DUT: variants seen among roughly 807,000 people sequenced by gnomAD.
DUT encodes deoxyuridine 5'-triphosphate nucleotidohydrolase, mitochondrial.
Under a neutral mutation model 28.8 loss-of-function variants are expected in DUT, and 21 were observed. The ratio of observed to expected loss-of-function variants is 0.73; its 90% CI spans 0.52 to 1.05. The LOEUF (loss-of-function observed/expected upper bound fraction) is 1.05, where lower values mean the gene tolerates loss of function less well. Ranked by LOEUF, DUT falls within the 50% of genes least tolerant of loss-of-function variation. The pLI is 0.00. For missense variants in DUT, 344 were observed against 351.8 expected (o/e 0.98, Z 0.18); for synonymous variants, 147 against 143.7 (o/e 1.02, Z -0.17).
chr15:48,331,427 A>C, upstream of DUT: 2 of 1,561,342 alleles, frequency 1.3e-6, no homozygotes, highest in South Asian at 2.4e-5. Flanking sequence ...TTCCGAGGTC[A>C]TGTTCCCAGG....
At chr15:48,331,109 C>A, upstream of DUT, 1 of 1,255,920 alleles carries the variant, frequency 8.0e-7, no homozygotes. Flanking sequence ...TAACTGTCAC[C>A]GGCGCCGAGA....
intron 2 of DUT, among the ~76,000 whole-genome samples, chr15:48,333,642 A>G (rs1005606588): frequency 3.3e-5 from 5 of 152,212 alleles, no homozygotes; most frequent in African/African-American, 1.2e-4. Context: ...ATTTCTACCC[A>G]GGAGAGGGCC....
intron 2 of DUT, chr15:48,332,650 G>A: frequency 1.5e-6 from 1 of 678,236 alleles, no homozygotes; most frequent in Non-Finnish European, 2.7e-6. Flanking sequence ...CGTTTATTGT[G>A]CCCTTCCTAA....
At chr15:48,338,378 C>A (rs752235037) in intron 4 of DUT, among the ~76,000 whole-genome samples, 1 of 152,082 alleles carries the variant, frequency 6.6e-6, no homozygotes. Flanking sequence ...TTTACAGATA[C>A]GTTAGCAGAG....
At position 48,342,169 on chromosome 15, in the gene DUT, C is replaced by T; in HGVS notation, c.*91C>T. ...GCTTCAAGTGTTTTGGTGTTTTGCA[C>T]TTCTGTAAACTTACTAGCTTTACCT... On this transcript the variant is annotated 3_prime_UTR_variant, in exon 7 of 7. Transcript: ENST00000331200. The T allele has an allele frequency of 5.0e-6, 4 of 807,478 alleles. No homozygotes were observed. Among genetic ancestry groups the T allele is most frequent in the South Asian group, 3.0e-5 (1 of 33,124 alleles). 50.0% of individuals were successfully genotyped at this position (807,478 alleles called of 1,614,324 possible).
At chr15:48,341,863 G>T in intron 6 of DUT, 159 bp from the exon 7 acceptor site, 3 of 620,556 alleles carry the variant, frequency 4.8e-6, no homozygotes, top group Non-Finnish European at 8.2e-6. Flanking sequence ...CTAATTTATG[G>T]AGCTTTTTAG....
chr15:48,331,907 G>A (rs1382173382), intron 1 of DUT, 112 bp downstream of exon 1: 8 of 564,856 alleles, frequency 1.4e-5, no homozygotes, highest in African/African-American at 2.1e-5. Context: ...GGCGGGGGGG[G>A]TGGGGTGGTC....
At chr15:48,341,982 TAAAAA>T in intron 6 of DUT, 35 bp from the exon 7 acceptor site, 1 of 1,511,614 alleles carries the variant, frequency 6.6e-7, no homozygotes, top group Middle Eastern at 1.8e-4. Context: ...AAGAGGCTCT[TAAAAA>T]AAACTGTGAA....
intron 3 of DUT, among the ~76,000 whole-genome samples, chr15:48,335,600 T>C (rs768560366): frequency 6.6e-6 from 1 of 152,176 alleles, no homozygotes; most frequent in East Asian, 1.9e-4. Flanking sequence ...CCCATCTGCA[T>C]TGTACATGTT....
intron 4 of DUT, among the ~76,000 whole-genome samples, chr15:48,336,346 C>A (rs927164826): frequency 6.6e-6 from 1 of 152,014 alleles, no homozygotes; most frequent in African/African-American, 2.4e-5. Context: ...ATTATTTAAG[C>A]AACAAAAGTT....
Position 48,331,642 on chromosome 15 carries a change from C to A in DUT, c.127C>A (p.Pro43Thr). The A allele has an allele frequency of 6.5e-7, 1 of 1,541,672 alleles. No homozygotes were observed. Among genetic ancestry groups the A allele is most frequent in the East Asian group, 2.5e-5 (1 of 40,200 alleles). ...AGCCGCGGTACTCTCCGGGCCAGGC[C>A]CGCCCCTCGGCCGCGCCGCGCAGCA... Reference protein sequence around the residue: ...AEAAVLSGPGPPLGRAAQHGI... With the variant: ...AEAAVLSGPGTPLGRAAQHGI... The change falls in exon 1 of 7, where the codon CCG becomes ACG. Residue 43 changes from proline to threonine, a missense_variant. By Grantham distance (38) the Pro-to-Thr change is conservative (BLOSUM62 -1). Coordinates refer to ENST00000331200, the MANE Select transcript of DUT (RefSeq NM_001025248.2).
Position 48,341,521 on chromosome 15 carries a change from AAG to A in DUT, c.639_640del (p.Gly214Ter). 5 of 1,613,124 alleles carry A rather than the reference AAG, an allele frequency of 3.1e-6. No homozygotes were observed. Among genetic ancestry groups the A allele is most frequent in the Non-Finnish European group, 4.2e-6 (5 of 1,179,478 alleles). On this transcript the variant is annotated frameshift_variant, in exon 6 of 7. Coordinates refer to ENST00000331200, the MANE Select transcript of DUT (RefSeq NM_001025248.2). LOFTEE classifies it high-confidence loss of function. Reference sequence around the variant, plus strand: ...AACTATTCTTTCTTTGAAGTCAAAAAAGGTGATCGAATTGCACAGCTCATTTG... The same window carrying A: ...AACTATTCTTTCTTTGAAGTCAAAAAGTGATCGAATTGCACAGCTCATTTG...
At position 48,331,771 on chromosome 15, in the gene DUT, G is replaced by T. The variant is rs769562630; in HGVS notation, c.256G>T (p.Gly86Trp). Residue 86 changes from glycine to tryptophan, a missense_variant, in exon 1 of 7, where the codon GGG becomes TGG. Coordinates refer to ENST00000331200, the MANE Select transcript of DUT (RefSeq NM_001025248.2). ...AGWKGELPKA[G>W]GSPAPGPETP... The stretch of plus-strand genomic sequence containing the variant: ...CTGGAAGGGCGAGCTTCCTAAGGCG[G>T]GGGGAAGCCCGGCGCCGGGGCCGGG... The T allele has an allele frequency of 3.6e-6, 5 of 1,390,622 alleles. No individual in the cohort carries two copies. The East Asian group carries it at 8.9e-5, about 25-fold the overall frequency. The allele number at this position is 1,390,622 out of a possible 1,614,324, so 86.1% of individuals were successfully genotyped here. A position where few individuals can be genotyped will look rare whatever the true frequency, so the allele number is the denominator to read the frequency against.
chr15:48,331,182 G>A, upstream of DUT: 1 of 1,518,774 alleles, frequency 6.6e-7, no homozygotes, highest in South Asian at 1.2e-5. Flanking sequence ...TGCGGGCGGT[G>A]CCGCCCCAGG....
At chr15:48,331,121 GC>G, upstream of DUT, 1 of 1,281,394 alleles carries the variant, frequency 7.8e-7, no homozygotes, top group South Asian at 2.0e-5. Context: ...GCGCCGAGAT[GC>G]GGTTCCGGCG....
chr15:48,331,788 GGGGCC>G lies in DUT; in HGVS notation c.277_280+1del. Reference sequence around the variant, plus strand: ...CTAAGGCGGGGGGAAGCCCGGCGCCGGGGCCGGGTAGGAAAGGCGGGGGAGGGGCT... The same window carrying G: ...CTAAGGCGGGGGGAAGCCCGGCGCCGGGGTAGGAAAGGCGGGGGAGGGGCT... On this transcript the variant is annotated frameshift_variant and splice_region_variant, in exon 1 of 7. Transcript: ENST00000331200. LOFTEE classifies it high-confidence loss of function. 1.5e-6 allele frequency: 2 copies of G among 1,373,772 alleles called. No homozygotes were observed. The highest frequency in any genetic ancestry group is 1.9e-6 in the Non-Finnish European group (2 of 1,069,480). 85.1% of individuals were successfully genotyped at this position (1,373,772 alleles called of 1,614,324 possible). A position where few individuals can be genotyped will look rare whatever the true frequency, so the allele number is the denominator to read the frequency against.
Position 48,331,595 on chromosome 15 carries a change from G to C in DUT, c.80G>C (p.Arg27Pro), listed in dbSNP as rs1210602567. The C allele has an allele frequency of 1.6e-5, 25 of 1,576,428 alleles. No individual in the cohort carries two copies. Among genetic ancestry groups the C allele is most frequent in the Non-Finnish European group, 2.1e-5 (24 of 1,163,200 alleles). ...CTTCGCTCAGCGATGCAAAACGCGCGAGGCGCACGGCAGAGGGCCGAAGCC... is the reference window on the plus strand; with the variant it reads ...CTTCGCTCAGCGATGCAAAACGCGCCAGGCGCACGGCAGAGGGCCGAAGCC... ...SLLRSAMQNA[R>P]GARQRAEAAV... The change falls in exon 1 of 7, where the codon CGA becomes CCA. Residue 27 changes from arginine to proline, a missense_variant. Transcript: ENST00000331200.
At chr15:48,336,231 T>C (rs1233774830) in intron 4 of DUT, 141 bp downstream of exon 4, 1 of 634,628 alleles carries the variant, frequency 1.6e-6, no homozygotes, top group Non-Finnish European at 2.5e-6. Context: ...GGAAAAGCTT[T>C]GTGGTTATTT....
intron 4 of DUT, among the ~76,000 whole-genome samples, chr15:48,337,989 C>T (rs1311092057): frequency 6.6e-6 from 1 of 152,076 alleles, no homozygotes; most frequent in Non-Finnish European, 1.5e-5. Context: ...AAAACTTTTG[C>T]CTGAAGTCAG....
Sources: gnomAD v4.1 joint callset for allele counts (sites outside exome capture counted in the v4.1 genomes callset) on GRCh38, gnomAD v4.1.1 for gene constraint, MANE v1.5 for transcripts, NCBI Gene and HGNC (gene_info 2026-07-23, HGNC 2026-07-21) for gene names.